ZNF783: variants seen among roughly 807,000 people sequenced by gnomAD.
The protein encoded by ZNF783 is protein ZNF783.
In ZNF783, 25 loss-of-function variants were observed where a neutral mutation model predicts 31.3. The ratio of observed to expected loss-of-function variants is 0.80; its 90% CI spans 0.58 to 1.11. ZNF783 has a LOEUF of 1.11. Ranked by LOEUF, ZNF783 falls within the 50% of genes most tolerant of loss-of-function variation. ZNF783 has a pLI of 0.00. For synonymous variants in ZNF783, 369 were observed against 319.1 expected (o/e 1.16, Z -1.66); for missense variants, 797 against 760.0 (o/e 1.05, Z -0.57).
chr7:149,268,158 C>T (rs1383154270), intron 4 of ZNF783, among the ~76,000 whole-genome samples: 1 of 152,212 alleles, frequency 6.6e-6, no homozygotes, highest in Non-Finnish European at 1.5e-5. Context: ...GGTTTTGCCA[C>T]ATGCGCTTCA....
intron 5 of ZNF783, among the ~76,000 whole-genome samples, chr7:149,280,886 C>G (rs946088983): frequency 6.6e-6 from 1 of 152,256 alleles, no homozygotes; most frequent in African/African-American, 2.4e-5. Context: ...TTGCCTCCAC[C>G]CAACCTGGGA....
chr7:149,274,321 T>C (rs1797275051), intron 4 of ZNF783, among the ~76,000 whole-genome samples: 1 of 152,134 alleles, frequency 6.6e-6, no homozygotes, highest in African/African-American at 2.4e-5. Flanking sequence ...TTTATTGAAA[T>C]AACCATCCTT....
chr7:149,266,327 G>T lies in ZNF783; in HGVS notation c.25-8G>T. The T allele has an allele frequency of 6.5e-7, 1 of 1,546,248 alleles. No individual in the cohort carries two copies. Among genetic ancestry groups the T allele is most frequent in the Admixed American group, 2.1e-5 (1 of 48,640 alleles). ...CATAACATCTCTCTTTTCTCTTCTT[G>T]TGAGCAGGACCCCGAGACAGACAAG... On this transcript the variant is annotated splice_polypyrimidine_tract_variant and splice_region_variant and intron_variant, in intron 1 of 5. Coordinates refer to ENST00000434415, the MANE Select transcript of ZNF783 (RefSeq NM_001195220.2).
At chr7:149,265,360 A>T (rs1257705856) in intron 1 of ZNF783, among the ~76,000 whole-genome samples, 7 of 152,226 alleles carry the variant, frequency 4.6e-5, no homozygotes, top group Non-Finnish European at 1.0e-4. Context: ...GAGGTTAAAA[A>T]AAAGGCCATA....
Position 149,266,833 on chromosome 7 carries a change from C to T in ZNF783, c.435C>T (p.Phe145=), listed in dbSNP as rs368656431. ...KGEAPKVPVT[F]DDVAVYFSEL... ...TATGGTTCCAGGTGCCCGTGACCTT[C>T]GATGATGTGGCCGTGTATTTCTCTG... Residue 145 remains phenylalanine (F), a synonymous_variant, in exon 3 of 6, where the codon TTC becomes TTT. Transcript: ENST00000434415. The T allele has an allele frequency of 2.0e-5, 33 of 1,613,838 alleles. No individual in the cohort carries two copies. Among genetic ancestry groups the T allele is most frequent in the South Asian group, 4.4e-5 (4 of 91,086 alleles).
chr7:149,266,028 A>G (rs574365819), intron 1 of ZNF783, among the ~76,000 whole-genome samples: 1 of 152,336 alleles, frequency 6.6e-6, no homozygotes, highest in Admixed American at 6.5e-5. Context: ...TTGAGACTGC[A>G]CGTGGTTGCT....
At chr7:149,280,256 G>A (rs992586322) in intron 5 of ZNF783, among the ~76,000 whole-genome samples, 5 of 152,230 alleles carry the variant, frequency 3.3e-5, no homozygotes, top group African/African-American at 9.6e-5. Flanking sequence ...CGGAGCACCA[G>A]CATTTTATCT....
At chr7:149,278,311 G>A in intron 4 of ZNF783, 88 bp from the exon 5 acceptor site, 5 of 1,566,284 alleles carry the variant, frequency 3.2e-6, no homozygotes, top group Non-Finnish European at 3.4e-6. Context: ...CAGGATCGCA[G>A]TGACTCTGCC....
chr7:149,262,347 C>T lies in ZNF783; in HGVS notation c.14C>T (p.Ala5Val). The change falls in exon 1 of 6, where the codon GCG becomes GTG. Residue 5 changes from alanine to valine, a missense_variant. By Grantham distance (64) the Ala-to-Val change is moderately conservative. Transcript: ENST00000434415. ...ACGCGGGCAGCCATGGCCGAAGCGG[C>T]GCCTGCCCGGGTAAGCGCCCTCGGC... Reference protein sequence around the residue: MAEAAPARDPETDKH... With the variant: MAEAVPARDPETDKH... The T allele has an allele frequency of 3.0e-6, 4 of 1,331,946 alleles. No individual in the cohort carries two copies. Among genetic ancestry groups the T allele is most frequent in the South Asian group, 3.6e-5 (2 of 55,448 alleles). The allele number at this position is 1,331,946 out of a possible 1,614,324, so 82.5% of individuals were successfully genotyped here. A position where few individuals can be genotyped will look rare whatever the true frequency, so the allele number is the denominator to read the frequency against.
chr7:149,266,224 G>A, intron 1 of ZNF783, 111 bp from the exon 2 acceptor site: 1 of 1,296,462 alleles, frequency 7.7e-7, no homozygotes, highest in Non-Finnish European at 1.0e-6. Context: ...TAACTCAGGA[G>A]CCCAGATGGG....
chr7:149,280,124 A>G (rs6980415), intron 5 of ZNF783, among the ~76,000 whole-genome samples: 1,354 of 94,880 alleles, frequency 0.014, 13 homozygotes, highest in African/African-American at 0.046. Flanking sequence ...CCTCCCGGAC[A>G]GGGCGGCTGG....
Position 149,281,909 on chromosome 7 carries a change from G to T in ZNF783, c.1207G>T (p.Gly403Cys), listed in dbSNP as rs753082830. 1 of 1,524,852 alleles carries T rather than the reference G, an allele frequency of 6.6e-7. No homozygotes were observed. Among genetic ancestry groups the T allele is most frequent in the Non-Finnish European group, 8.8e-7 (1 of 1,140,838 alleles). The allele number at this position is 1,524,852 out of a possible 1,614,324, so 94.5% of individuals were successfully genotyped here. ...MLEPGEVVVP[G>C]PVIRWLPEEP... is the part of the protein sequence containing the mutation. Reference sequence around the variant, plus strand: ...GGAGCCGGGGGAGGTGGTGGTACCCGGCCCTGTCATCCGCTGGCTCCCCGA... The same window carrying T: ...GGAGCCGGGGGAGGTGGTGGTACCCTGCCCTGTCATCCGCTGGCTCCCCGA... The change falls in exon 6 of 6, where the codon GGC becomes TGC. Residue 403 changes from glycine to cysteine, a missense_variant. Transcript: ENST00000434415.
rs752624650 is a variant in ZNF783 at position 149,266,815 on chromosome 7, C to T, written c.421-4C>T. 1.2e-5 allele frequency: 20 copies of T among 1,613,972 alleles called. No individual in the cohort carries two copies. In the South Asian group the frequency reaches 2.0e-4, roughly 16 times the overall value. On this transcript the variant is annotated splice_region_variant and splice_polypyrimidine_tract_variant and intron_variant, in intron 2 of 5. Transcript: ENST00000434415. The stretch of plus-strand genomic sequence containing the variant: ...GTGAGTGAGTGCGACACTTATGGTT[C>T]CAGGTGCCCGTGACCTTCGATGATG...
intron 5 of ZNF783, among the ~76,000 whole-genome samples, chr7:149,279,292 T>C (rs1414193588): frequency 6.6e-6 from 1 of 152,236 alleles, no homozygotes; most frequent in East Asian, 1.9e-4. Flanking sequence ...GGGAAGGCAA[T>C]GTTCCTGCCC....
chr7:149,277,767 A>T (rs1169494176), intron 4 of ZNF783: 1 of 152,116 alleles, frequency 6.6e-6, no homozygotes, highest in African/African-American at 2.4e-5. Flanking sequence ...TCAAAAAAAA[A>T]AATCAGAGTT....
At chr7:149,262,438 G>C in intron 1 of ZNF783, 81 bp downstream of exon 1, 2 of 1,133,842 alleles carry the variant, frequency 1.8e-6, no homozygotes, top group Non-Finnish European at 2.2e-6. Context: ...CTGGCCGCGC[G>C]AGGCCGCGGG....
At chr7:149,279,904 A>G (rs533242806) in intron 5 of ZNF783, among the ~76,000 whole-genome samples, 11 of 152,006 alleles carry the variant, frequency 7.2e-5, no homozygotes, top group Middle Eastern at 6.8e-3. Flanking sequence ...CGATTTCTCA[A>G]TCTTTTCCCC....
rs1407536491 is a variant in ZNF783 at position 149,274,867 on chromosome 7, C to T, written c.674-3532C>T. 5.3e-5 allele frequency among the ~76,000 whole-genome samples: 8 copies of T among 152,042 alleles called. 1 individual carries two copies. In the East Asian group the frequency reaches 1.5e-3, roughly 29 times the overall value. On this transcript the variant is annotated intron_variant, in intron 4 of 5. Transcript: ENST00000434415. ...GTTTTGTTCTTTTTGCTTAGGATGC[C>T]TTTGGCTATTTCAGGTTTTTCATGG...
intron 4 of ZNF783, 72 bp from the exon 5 acceptor site, chr7:149,278,327 C>T (rs760929877): frequency 6.3e-7 from 1 of 1,583,548 alleles, no homozygotes; most frequent in South Asian, 1.1e-5. Context: ...CTGCCTTTCC[C>T]CAGAGGGTCC....
Sources: gnomAD v4.1 joint callset for allele counts (sites outside exome capture counted in the v4.1 genomes callset) on GRCh38, gnomAD v4.1.1 for gene constraint, MANE v1.5 for transcripts, NCBI Gene and HGNC (gene_info 2026-07-23, HGNC 2026-07-21) for gene names.